DNAJC2: variants seen among roughly 807,000 people sequenced by gnomAD.
The protein encoded by DNAJC2 is dnaJ homolog subfamily C member 2.
In DNAJC2, 32 loss-of-function variants were observed where a neutral mutation model predicts 94.0. The observed-to-expected ratio is 0.34, with a 90% CI of 0.26 to 0.46. DNAJC2 has a LOEUF of 0.46. Among genes scored for constraint, DNAJC2 ranks in the 20% least tolerant of loss-of-function variants. The probability of loss-of-function intolerance (pLI) is 1.00; values close to 1 mark genes in which losing one functional copy is unlikely to be tolerated. For synonymous variants in DNAJC2, 210 were observed against 229.7 expected (o/e 0.91, Z 0.77); for missense variants, 550 against 719.5 (o/e 0.76, Z 2.69).
chr7:103,326,403 A>G, intron 5 of DNAJC2, 140 bp downstream of exon 5: 1 of 816,648 alleles, frequency 1.2e-6, no homozygotes, highest in East Asian at 2.7e-5. Flanking sequence ...TGAATATTGC[A>G]GAGAAGGAGG....
intron 3 of DNAJC2, chr7:103,336,207 T>G (rs1023298245): frequency 1.1e-4 from 17 of 152,176 alleles, no homozygotes; most frequent in African/African-American, 4.1e-4. Flanking sequence ...TATGAATGCT[T>G]CTTTTACAAT....
intron 10 of DNAJC2, 48 bp downstream of exon 10, chr7:103,321,884 T>A: frequency 6.4e-7 from 1 of 1,557,694 alleles, no homozygotes; most frequent in Non-Finnish European, 8.7e-7. Flanking sequence ...TTTTGCTTAA[T>A]AAGCAACTTG....
chr7:103,331,360 GAACATTTC>G (rs1040995875), intron 3 of DNAJC2, among the ~76,000 whole-genome samples: 2 of 152,162 alleles, frequency 1.3e-5, no homozygotes, highest in Non-Finnish European at 2.9e-5. Context: ...TATGTATTGT[GAACATTTC>G]AAGTTCTGTC....
intron 15 of DNAJC2, chr7:103,313,357 T>A: frequency 8.7e-7 from 1 of 1,151,108 alleles, no homozygotes; most frequent in Non-Finnish European, 1.1e-6. Context: ...GTACTGTTTA[T>A]CTCTTAAAAA....
intron 3 of DNAJC2, among the ~76,000 whole-genome samples, chr7:103,334,746 G>T (rs1819101256): frequency 6.6e-6 from 1 of 151,868 alleles, no homozygotes; most frequent in Admixed American, 6.6e-5. Flanking sequence ...ACCATGCTTG[G>T]CCTATAGAAA....
chr7:103,316,685 G>C, intron 13 of DNAJC2, 145 bp downstream of exon 13: 1 of 658,420 alleles, frequency 1.5e-6, no homozygotes, highest in Non-Finnish European at 2.6e-6. Flanking sequence ...GCTTCAAAAT[G>C]CACCTCACTT....
chr7:103,322,801 A>T lies in DNAJC2; in HGVS notation c.720-7T>A. ...CCATCTCCTCTCATCACGACTATAA[A>T]ATAGAAAATATTGGAAACAAACTAC... On this transcript the variant is annotated splice_region_variant and splice_polypyrimidine_tract_variant and intron_variant, in intron 7 of 16. Coordinates refer to ENST00000379263, the MANE Select transcript of DNAJC2 (RefSeq NM_014377.3). 1 of 1,597,476 alleles carries T rather than the reference A, an allele frequency of 6.3e-7. No homozygotes were observed. The highest frequency in any genetic ancestry group is 8.5e-7 in the Non-Finnish European group (1 of 1,176,020).
chr7:103,337,378 A>G (rs913584092), intron 3 of DNAJC2: 1 of 166,498 alleles, frequency 6.0e-6, no homozygotes, highest in Non-Finnish European at 1.3e-5. Flanking sequence ...TAAAAAAAAA[A>G]CCAAAAACCA....
intron 1 of DNAJC2, 91 bp from the exon 2 acceptor site, chr7:103,342,045 AAC>A: frequency 9.9e-7 from 1 of 1,012,512 alleles, no homozygotes; most frequent in Non-Finnish European, 1.4e-6. Flanking sequence ...ATAAAATCAA[AAC>A]AGTGATACCA....
chr7:103,316,125 T>TA, intron 13 of DNAJC2, 37 bp from the exon 14 acceptor site: 1 of 1,350,868 alleles, frequency 7.4e-7, no homozygotes, highest in Non-Finnish European at 1.0e-6. Context: ...TGAATAGTAG[T>TA]AAGGAAAAAC....
At chr7:103,328,727 C>A (rs1818841178) in intron 3 of DNAJC2, among the ~76,000 whole-genome samples, 1 of 151,960 alleles carries the variant, frequency 6.6e-6, no homozygotes, top group East Asian at 1.9e-4. Flanking sequence ...TTGCATTTTC[C>A]ATGGTTTTTT....
intron 3 of DNAJC2, among the ~76,000 whole-genome samples, chr7:103,335,077 A>G (rs1047593924): frequency 3.3e-5 from 5 of 152,064 alleles, no homozygotes; most frequent in Non-Finnish European, 7.4e-5. Context: ...CAGGTGATCC[A>G]CCTGCCCCAG....
intron 1 of DNAJC2, among the ~76,000 whole-genome samples, chr7:103,342,411 T>C (rs1819407074): frequency 6.6e-6 from 1 of 151,916 alleles, no homozygotes. Context: ...GTTCAAGTGA[T>C]TCTTGTGCCT....
intron 10 of DNAJC2, 86 bp downstream of exon 10, chr7:103,321,846 T>TAAAA: frequency 1.3e-6 from 2 of 1,484,948 alleles, no homozygotes; most frequent in Non-Finnish European, 1.8e-6. Flanking sequence ...AGACCCCATC[T>TAAAA]AAAAAACAAA....
intron 16 of DNAJC2, 67 bp downstream of exon 16, chr7:103,312,880 A>T: frequency 6.4e-7 from 1 of 1,558,406 alleles, no homozygotes; most frequent in Admixed American, 2.1e-5. Flanking sequence ...ATAGACATAA[A>T]ATATGAGCTA....
At chr7:103,332,366 G>A (rs1819012432) in intron 3 of DNAJC2, among the ~76,000 whole-genome samples, 1 of 152,110 alleles carries the variant, frequency 6.6e-6, no homozygotes, top group East Asian at 1.9e-4. Context: ...AATAGGAATT[G>A]TTTGTAGGAT....
chr7:103,332,836 C>T (rs76928962), intron 3 of DNAJC2, among the ~76,000 whole-genome samples: 1,764 of 152,234 alleles, frequency 0.012, 40 homozygotes, highest in African/African-American at 0.041. Flanking sequence ...GTTGCCCAGG[C>T]TAGTCTTGAA....
chr7:103,320,546 G>A (rs1423248398), intron 10 of DNAJC2, among the ~76,000 whole-genome samples: 2 of 151,186 alleles, frequency 1.3e-5, no homozygotes, highest in African/African-American at 4.9e-5. Context: ...GGATCGTGAG[G>A]TCAGGAGATC....
chr7:103,337,111 A>G (rs1353850452), intron 3 of DNAJC2: 1 of 152,166 alleles, frequency 6.6e-6, no homozygotes, highest in Admixed American at 6.6e-5. Context: ...TACCTCTTTC[A>G]CTAAACTTTA....
Sources: allele counts gnomAD v4.1 joint callset (sites outside exome capture counted in the v4.1 genomes callset), GRCh38; gene constraint gnomAD v4.1.1; transcripts MANE v1.5; gene names NCBI Gene and HGNC (gene_info 2026-07-23, HGNC 2026-07-21).